ZNF124: variants seen among roughly 807,000 people sequenced by gnomAD.
ZNF124 encodes zinc finger protein 124.
In ZNF124, 25 loss-of-function variants were observed where a neutral mutation model predicts 26.6. The ratio of observed to expected loss-of-function variants is 0.94; its 90% CI spans 0.68 to 1.31. ZNF124 has a LOEUF of 1.31. ZNF124 is among the 40% of genes most tolerant of loss of function. The pLI is 0.00. For synonymous variants in ZNF124, 129 were observed against 133.3 expected, an observed-to-expected ratio of 0.97 and a Z score of 0.22; for missense variants, 444 against 422.2, an observed-to-expected ratio of 1.05 and a Z score of -0.45.
At chr1:247,136,235 A>G (rs1672480889) in intron 3 of ZNF124, among the ~76,000 whole-genome samples, 2 of 152,082 alleles carry the variant, frequency 1.3e-5, no homozygotes, top group Non-Finnish European at 2.9e-5. Flanking sequence ...ACATAATTTT[A>G]TATTTGAAAA....
At chr1:247,143,913 C>G (rs2103107776) in intron 3 of ZNF124, among the ~76,000 whole-genome samples, 1 of 152,296 alleles carries the variant, frequency 6.6e-6, no homozygotes, top group Middle Eastern at 3.4e-3. Context: ...CCCGTAGCCT[C>G]AGACAGCTAG....
At chr1:247,159,941 T>C in intron 1 of ZNF124, 128 bp from the exon 2 acceptor site, 1 of 1,121,200 alleles carries the variant, frequency 8.9e-7, no homozygotes, top group Non-Finnish European at 1.2e-6. Context: ...ACTAGAACTA[T>C]GACTCTGTCT....
At chr1:247,150,333 A>C (rs1461068196), downstream of ZNF124, among the ~76,000 whole-genome samples, 2 of 152,144 alleles carry the variant, frequency 1.3e-5, no homozygotes, top group Non-Finnish European at 2.9e-5. Flanking sequence ...ACTACCATTG[A>C]CTCTTTGGTG....
chr1:247,164,049 A>G lies in ZNF124; in HGVS notation c.31-4236T>C, dbSNP rs553513985. Among the ~76,000 whole-genome samples, 7 of 152,328 alleles carry G rather than the reference A, an allele frequency of 4.6e-5. No homozygotes were observed. The East Asian group carries it at 7.7e-4, about 17-fold the overall frequency. ...AAACTAAAAACAAAAAAACAACATGATCATCTCAATAGATGCAAAAAAAAG... is the reference window on the plus strand; with the variant it reads ...AAACTAAAAACAAAAAAACAACATGGTCATCTCAATAGATGCAAAAAAAAG... On this transcript the variant is annotated intron_variant, in intron 1 of 3. Coordinates refer to ENST00000543802, the MANE Select transcript of ZNF124 (RefSeq NM_001297568.2).
rs115127378 is a variant in ZNF124 at position 247,149,659 on chromosome 1, G to C, written c.218+9347C>G. ...TGAACTCGTAGAAACAGACTACATAGTGGTTTCCAGGGGCCAGAAGGTAGG... is the reference window on the plus strand; with the variant it reads ...TGAACTCGTAGAAACAGACTACATACTGGTTTCCAGGGGCCAGAAGGTAGG... On this transcript the variant is annotated intron_variant, in intron 3 of 3. Transcript: ENST00000472531. 5.2e-3 allele frequency among the ~76,000 whole-genome samples: 793 copies of C among 152,328 alleles called. 11 individuals carry two copies. The highest frequency in any genetic ancestry group is 0.018 in the African/African-American group (758 of 41,572).
intron 1 of ZNF124, among the ~76,000 whole-genome samples, chr1:247,165,479 T>C (rs374974185): frequency 6.6e-6 from 1 of 152,038 alleles, no homozygotes; most frequent in Non-Finnish European, 1.5e-5. Flanking sequence ...ACCTAGGAAA[T>C]ACCATTCTGG....
At chr1:247,154,508 A>G (rs1404172855), downstream of ZNF124, among the ~76,000 whole-genome samples, 1 of 152,204 alleles carries the variant, frequency 6.6e-6, no homozygotes, top group African/African-American at 2.4e-5. Flanking sequence ...TGAACTAATA[A>G]ACTACATATA....
downstream of ZNF124, among the ~76,000 whole-genome samples, chr1:247,152,948 A>G (rs1392686172): frequency 6.6e-6 from 1 of 152,126 alleles, no homozygotes; most frequent in Non-Finnish European, 1.5e-5. Context: ...CCTGGCTAAC[A>G]CGGTGAAACT....
intron 3 of ZNF124, among the ~76,000 whole-genome samples, chr1:247,136,182 A>C (rs571288628): frequency 1.4e-4 from 22 of 152,190 alleles, no homozygotes; most frequent in Non-Finnish European, 2.9e-4. Context: ...AAGAGAAATA[A>C]AAGGGTATTA....
chr1:247,133,613 G>A (rs1222678890), intron 3 of ZNF124, among the ~76,000 whole-genome samples: 3 of 151,210 alleles, frequency 2.0e-5, no homozygotes, highest in African/African-American at 7.3e-5. Context: ...CTACAAGCCA[G>A]AAGAGATAGG....
At position 247,159,812 on chromosome 1, in the gene ZNF124, T is replaced by C. The variant is rs1673373638; in HGVS notation, c.32A>G (p.Asn11Ser). The change falls in exon 2 of 4, where the codon AAC (asparagine) becomes AGC (serine). Residue 11 changes from asparagine (N) to serine (S), a missense_variant and splice_region_variant. Physicochemically the swap from Asn to Ser is conservative, Grantham distance 46. Transcript: ENST00000543802. MSGHPGSWEM[N>S]SVAFEDVAVN... The stretch of plus-strand genomic sequence containing the variant: ...AGCCACATCCTCAAAGGCAACCGAG[T>C]TCTAAAATATTCCACATTTTTGTAG... 4.4e-6 allele frequency: 7 copies of C among 1,608,856 alleles called. No homozygotes were observed. The highest frequency in any genetic ancestry group is 5.1e-6 in the Non-Finnish European group (6 of 1,178,842).
At chr1:247,162,020 C>T (rs1013844463) in intron 1 of ZNF124, among the ~76,000 whole-genome samples, 3 of 152,066 alleles carry the variant, frequency 2.0e-5, no homozygotes, top group African/African-American at 7.2e-5. Context: ...ATGAATTTCC[C>T]ATCCAGCCAA....
intron 3 of ZNF124, among the ~76,000 whole-genome samples, chr1:247,135,217 G>C (rs747328420): frequency 1.5e-5 from 2 of 137,250 alleles, no homozygotes; most frequent in Non-Finnish European, 3.1e-5. Flanking sequence ...GAAGAAGACA[G>C]AGACACAAAA....
chr1:247,124,026 C>T (rs1163858088), intron 3 of ZNF124, among the ~76,000 whole-genome samples: 2 of 146,198 alleles, frequency 1.4e-5, no homozygotes, highest in African/African-American at 5.1e-5. Flanking sequence ...GACGGGGTTT[C>T]ACCGTGTTAG....
rs760116447 is a variant in ZNF124, at chr1:247,168,155, A to G, written c.30+3693T>C. 2.6e-5 allele frequency among the ~76,000 whole-genome samples: 4 copies of G among 152,222 alleles called. No homozygotes were observed. The highest frequency in any genetic ancestry group is 5.9e-5 in the Non-Finnish European group (4 of 68,046). On this transcript the variant is annotated intron_variant, in intron 1 of 3. Coordinates refer to ENST00000543802, the MANE Select transcript of ZNF124 (RefSeq NM_001297568.2). This position sits in a 1 kb window ranked among gnomAD's most constrained non-coding sequence, Gnocchi z 4.0. ...ATGGAAAACAGTATGAAGATTCCTT[A>G]AAGAACTAAAAGTAGAACTACCATT...
At chr1:247,160,368 A>C (rs1404014908) in intron 1 of ZNF124, among the ~76,000 whole-genome samples, 1 of 152,150 alleles carries the variant, frequency 6.6e-6, no homozygotes, top group African/African-American at 2.4e-5. Flanking sequence ...CCAGGGAGTA[A>C]TATTTGCTGT....
chr1:247,138,599 T>G (rs1672547194), intron 3 of ZNF124: 1 of 393,782 alleles, frequency 2.5e-6, no homozygotes, highest in Non-Finnish European at 4.5e-6. Context: ...TTAGAAGAAA[T>G]AAAACATAAA....
intron 3 of ZNF124, among the ~76,000 whole-genome samples, chr1:247,128,777 G>T (rs950584168): frequency 6.7e-6 from 1 of 149,776 alleles, no homozygotes; most frequent in Admixed American, 6.7e-5. Flanking sequence ...AGGAAACCCC[G>T]CCCCGCAGTG....
At chr1:247,172,371 G>A (rs1033848964), upstream of ZNF124, among the ~76,000 whole-genome samples, 4 of 151,910 alleles carry the variant, frequency 2.6e-5, no homozygotes, top group East Asian at 3.9e-4. Flanking sequence ...CATGGCCTCT[G>A]GTCTTCTGAG....
Sources: gnomAD v4.1 joint callset for allele counts (sites outside exome capture counted in the v4.1 genomes callset) on GRCh38, gnomAD v4.1.1 for gene constraint, Gnocchi (gnomAD v3.1) non-coding constraint, MANE v1.5 for transcripts, NCBI Gene and HGNC (gene_info 2026-07-23, HGNC 2026-07-21) for gene names.